Variants in REDIC1 observed in about 807,000 individuals in gnomAD.
The protein encoded by REDIC1 is HEI10 Interacting Protein 1.
chr12:39,696,265 C>T, the REDIC1 span, among the ~76,000 whole-genome samples: 12 of 152,154 alleles, frequency 7.9e-5, no homozygotes, highest in African/African-American at 2.2e-4. Context: ...CACCAAGGGC[C>T]GGGCGCGGTG....
the REDIC1 span, among the ~76,000 whole-genome samples, chr12:39,712,961 ATACGTGTATATGTATATATACATGTGTAT>A: frequency 4.9e-5 from 1 of 20,588 alleles, no homozygotes; most frequent in Non-Finnish European, 1.1e-4. Flanking sequence ...ATATATGCAT[ATACGTGTATATGTATATATACATGTGTAT>A]ATACGTGTAT....
chr12:39,749,203 A>C, the REDIC1 span, among the ~76,000 whole-genome samples: 9 of 152,284 alleles, frequency 5.9e-5, no homozygotes, highest in East Asian at 1.3e-3. Context: ...AGAGAGAAGA[A>C]TCAAATAGAC....
At chr12:39,895,674 A>ATATG in the REDIC1 span, among the ~76,000 whole-genome samples, 2 of 147,438 alleles carry the variant, frequency 1.4e-5, 1 homozygote, top group African/African-American at 4.9e-5. Flanking sequence ...ATATGCGTGT[A>ATATG]TACGTACACA....
chr12:39,898,083 T>C, the REDIC1 span, among the ~76,000 whole-genome samples: 1 of 152,118 alleles, frequency 6.6e-6, no homozygotes, highest in Non-Finnish European at 1.5e-5. Flanking sequence ...AAACAATCCG[T>C]TGTTGGGAAT....
chr12:39,722,070 C>G, the REDIC1 span, among the ~76,000 whole-genome samples: 16 of 152,036 alleles, frequency 1.1e-4, no homozygotes, highest in Admixed American at 1.1e-3. Flanking sequence ...TCATGGTACA[C>G]AGCAGAGGGC....
the REDIC1 span, chr12:39,721,978 G>A: frequency 6.6e-6 from 1 of 151,730 alleles, no homozygotes; most frequent in Non-Finnish European, 1.5e-5. Flanking sequence ...TAAAATATAG[G>A]CTTTGTTTCT....
the REDIC1 span, among the ~76,000 whole-genome samples, chr12:39,720,064 T>C: frequency 6.6e-6 from 1 of 152,014 alleles, no homozygotes; most frequent in Non-Finnish European, 1.5e-5. Context: ...ATTAATTCAG[T>C]AATTAAAAGA....
chr12:39,884,613 G>A, the REDIC1 span, among the ~76,000 whole-genome samples: 1 of 152,260 alleles, frequency 6.6e-6, no homozygotes, highest in Admixed American at 6.5e-5. Flanking sequence ...AATATCTGGG[G>A]ACTGTTCAGG....
chr12:39,704,660 T>C, the REDIC1 span, among the ~76,000 whole-genome samples: 1 of 152,104 alleles, frequency 6.6e-6, no homozygotes, highest in African/African-American at 2.4e-5. Context: ...TAGCAAAGAC[T>C]TGGAACCAAC....
At chr12:39,845,682 T>C in the REDIC1 span, among the ~76,000 whole-genome samples, 1 of 152,146 alleles carries the variant, frequency 6.6e-6, no homozygotes, top group African/African-American at 2.4e-5. Flanking sequence ...GGCATCCCCC[T>C]AGATAGCATC....
the REDIC1 span, among the ~76,000 whole-genome samples, chr12:39,667,164 G>A: frequency 3.3e-5 from 5 of 152,158 alleles, no homozygotes; most frequent in African/African-American, 1.2e-4. Context: ...GTGTTAGGGT[G>A]TCAATTTTAG....
the REDIC1 span, chr12:39,736,653 A>G: frequency 6.6e-6 from 1 of 152,242 alleles, no homozygotes; most frequent in African/African-American, 2.4e-5. Context: ...CATGGTTTCC[A>G]AGGCTATGTC....
the REDIC1 span, among the ~76,000 whole-genome samples, chr12:39,702,844 T>A: frequency 6.6e-6 from 1 of 152,200 alleles, no homozygotes; most frequent in Admixed American, 6.5e-5. Flanking sequence ...CACATGATTA[T>A]CTCAATAGAT....
the REDIC1 span, among the ~76,000 whole-genome samples, chr12:39,799,948 C>T: frequency 6.7e-3 from 1,022 of 152,192 alleles, 14 homozygotes; most frequent in African/African-American, 0.023. Context: ...GAAGTGTTCC[C>T]CATGTGCAGT....
At chr12:39,887,957 T>C in the REDIC1 span, among the ~76,000 whole-genome samples, 1 of 152,294 alleles carries the variant, frequency 6.6e-6, no homozygotes, top group Admixed American at 6.5e-5. Context: ...CAGAGTCAGT[T>C]TGCCCCTGCT....
the REDIC1 span, among the ~76,000 whole-genome samples, chr12:39,839,245 G>A: frequency 6.6e-6 from 1 of 152,134 alleles, no homozygotes; most frequent in Non-Finnish European, 1.5e-5. Flanking sequence ...GTGAAGGACA[G>A]ATTCCTATAT....
chr12:39,748,481 A>T, the REDIC1 span, among the ~76,000 whole-genome samples: 1 of 152,210 alleles, frequency 6.6e-6, no homozygotes, highest in South Asian at 2.1e-4. Flanking sequence ...GGAGAGTTTA[A>T]CACCCCACTG....
the REDIC1 span, among the ~76,000 whole-genome samples, chr12:39,630,579 G>A: frequency 6.6e-6 from 1 of 152,156 alleles, no homozygotes; most frequent in Non-Finnish European, 1.5e-5. Context: ...GGGAAGAAAA[G>A]TATGACTTGC....
chr12:39,713,033 GTA>G, the REDIC1 span, among the ~76,000 whole-genome samples: 1 of 137,348 alleles, frequency 7.3e-6, no homozygotes, highest in Non-Finnish European at 1.6e-5. Context: ...ACGTGTATAT[GTA>G]TATATACATG....
Sources: allele counts gnomAD v4.1 joint callset (sites outside exome capture counted in the v4.1 genomes callset), GRCh38; gene constraint gnomAD v4.1.1; transcripts MANE v1.5; gene names NCBI Gene and HGNC (gene_info 2026-07-23, HGNC 2026-07-21).